NCOA3: variants seen among roughly 807,000 people sequenced by gnomAD.
The protein encoded by NCOA3 is nuclear receptor coactivator 3, also known as CBP-interacting protein.
A neutral mutation model predicts 158.8 loss-of-function variants in NCOA3; 51 were observed. The observed-to-expected ratio is 0.32, with a 90% CI of 0.26 to 0.41. NCOA3 has a LOEUF of 0.41. Among genes scored for constraint, NCOA3 ranks in the 10% least tolerant of loss-of-function variants. NCOA3 has a pLI of 1.00. For synonymous variants in NCOA3, 537 were observed against 592.4 expected, an observed-to-expected ratio of 0.91 and a Z score of 1.36; for missense variants, 1,510 against 1,746.6, an observed-to-expected ratio of 0.86 and a Z score of 2.41.
intron 1 of NCOA3, among the ~76,000 whole-genome samples, chr20:47,531,687 C>G (rs1261745063): frequency 6.6e-6 from 1 of 152,074 alleles, no homozygotes; most frequent in Non-Finnish European, 1.5e-5. Flanking sequence ...TTCTCTTGAC[C>G]TCTTCATGCA....
chr20:47,520,897 C>T (rs895069706), intron 1 of NCOA3, among the ~76,000 whole-genome samples: 9 of 152,206 alleles, frequency 5.9e-5, no homozygotes, highest in African/African-American at 2.2e-4. Flanking sequence ...TATGAGGTAG[C>T]TATGGAACGC....
At chr20:47,505,088 A>G (rs6090690) in intron 1 of NCOA3, among the ~76,000 whole-genome samples, 95,651 of 95,660 alleles carry the variant, frequency 1, 47,821 homozygotes, top group Middle Eastern at 1. Context: ...TTGAGAAGGA[A>G]ATTTGCTCTG....
chr20:47,534,109 G>T (rs1378295685), intron 1 of NCOA3, among the ~76,000 whole-genome samples: 1 of 151,338 alleles, frequency 6.6e-6, no homozygotes, highest in Non-Finnish European at 1.5e-5. Context: ...GGTTTCAGTG[G>T]GGGGGGCGGG....
At chr20:47,594,480 T>A (rs1318259430) in intron 2 of NCOA3, among the ~76,000 whole-genome samples, 2 of 151,446 alleles carry the variant, frequency 1.3e-5, no homozygotes, top group Non-Finnish European at 2.9e-5. Context: ...CTGGCCAACA[T>A]GATGAGATCT....
In NCOA3 at chr20:47,651,092, A is replaced by AACAGCAG. The variant is rs2086783470; in HGVS notation, c.3762_3763insACAGCAG (p.Gln1255ThrfsTer33). 6 of 1,461,310 alleles carry AACAGCAG rather than the reference A, an allele frequency of 4.1e-6. No individual in the cohort carries two copies. In the South Asian group the frequency reaches 7.3e-5, roughly 18 times the overall value. The allele number at this position is 1,461,310 out of a possible 1,614,324, so 90.5% of individuals were successfully genotyped here. On this transcript the variant is annotated frameshift_variant, in exon 20 of 23. Transcript: ENST00000371998. LOFTEE classifies it high-confidence loss of function. ...TGATGCAGCAGCAGCAGCAGCAGCA[A>AACAGCAG]CAGCAGCAGCAGCAGCAGCAGCAGC... is the stretch of plus-strand genomic sequence containing the variant.
chr20:47,570,352 G>T (rs1480467975), intron 1 of NCOA3, among the ~76,000 whole-genome samples: 1 of 152,174 alleles, frequency 6.6e-6, no homozygotes, highest in African/African-American at 2.4e-5. Context: ...GAGGCAGGAG[G>T]ATTGCTTGAG....
intron 1 of NCOA3, among the ~76,000 whole-genome samples, chr20:47,514,801 C>T (rs368169804): frequency 6.7e-6 from 1 of 148,928 alleles, no homozygotes; most frequent in East Asian, 2.0e-4. Context: ...ACTGCAACCT[C>T]CGCCTCCAGA....
intron 1 of NCOA3, among the ~76,000 whole-genome samples, chr20:47,527,842 T>C (rs944991751): frequency 6.6e-6 from 1 of 152,222 alleles, no homozygotes; most frequent in Non-Finnish European, 1.5e-5. Flanking sequence ...ATTGTGATTT[T>C]AATTTGAAAT....
At chr20:47,566,966 A>C (rs561678876) in intron 1 of NCOA3, among the ~76,000 whole-genome samples, 1 of 152,260 alleles carries the variant, frequency 6.6e-6, no homozygotes, top group African/African-American at 2.4e-5. Flanking sequence ...AAAAAGAAGA[A>C]ATTTAAAAAA....
intron 1 of NCOA3, among the ~76,000 whole-genome samples, chr20:47,507,105 A>G (rs779231686): frequency 6.6e-6 from 1 of 152,250 alleles, no homozygotes; most frequent in South Asian, 2.1e-4. Context: ...TGCAGAAGTC[A>G]GCATAATCCT....
intron 2 of NCOA3, among the ~76,000 whole-genome samples, chr20:47,586,124 G>A (rs1220108891): frequency 6.6e-6 from 1 of 151,982 alleles, no homozygotes; most frequent in African/African-American, 2.4e-5. Context: ...TCACCATGTT[G>A]GCCAGGCTGG....
At chr20:47,601,327 C>A (rs2085858465) in intron 2 of NCOA3, among the ~76,000 whole-genome samples, 1 of 152,338 alleles carries the variant, frequency 6.6e-6, no homozygotes, top group Non-Finnish European at 1.5e-5. Flanking sequence ...AAAGGCACCA[C>A]TTCCGAATAC....
At chr20:47,600,523 C>T (rs1346708312) in intron 2 of NCOA3, among the ~76,000 whole-genome samples, 5 of 143,084 alleles carry the variant, frequency 3.5e-5, no homozygotes, top group East Asian at 2.1e-4. Context: ...TTTTGGCGGG[C>T]GTGTGGGTTG....
At chr20:47,525,666 A>G (rs1189088438) in intron 1 of NCOA3, among the ~76,000 whole-genome samples, 1 of 86,360 alleles carries the variant, frequency 1.2e-5, no homozygotes, top group Non-Finnish European at 2.3e-5. Flanking sequence ...GGGGGGGCTG[A>G]CCCCCCCCAC....
At position 47,642,342 on chromosome 20, in the gene NCOA3, A is replaced by G; in HGVS notation, c.3210A>G (p.Glu1070=). ...LLSNTDATGL[E]EIDRALGIPE... ...GCAACACAGATGCCACAGGCCTGGA[A>G]GAAATTGACAGAGCTTTGGGCATTC... The change falls in exon 17 of 23, where the codon GAA becomes GAG. Residue 1070 remains glutamate (E), a synonymous_variant. Coordinates refer to ENST00000371998, the MANE Select transcript of NCOA3 (RefSeq NM_181659.3). 1 of 1,610,388 alleles carries G rather than the reference A, an allele frequency of 6.2e-7. No homozygotes were observed. Among genetic ancestry groups the G allele is most frequent in the African/African-American group, 1.3e-5 (1 of 74,806 alleles).
At chr20:47,618,593 A>G (rs373351693) in intron 2 of NCOA3, among the ~76,000 whole-genome samples, 19 of 152,268 alleles carry the variant, frequency 1.2e-4, no homozygotes, top group African/African-American at 4.3e-4. Flanking sequence ...ACCTCAGGTG[A>G]TTCGCCCATC....
chr20:47,635,541 T>C lies in NCOA3; in HGVS notation c.1332T>C (p.Pro444=). 1 of 1,614,084 alleles carries C rather than the reference T, an allele frequency of 6.2e-7. No individual in the cohort carries two copies. The highest frequency in any genetic ancestry group is 8.5e-7 in the Non-Finnish European group (1 of 1,180,028). The stretch of plus-strand genomic sequence containing the variant: ...CCAGTAACATAGCTTCATTGACCCC[T>C]GGGCCAGGCATGCAATCACCATCTT... ...GGSSNIASLT[P]GPGMQSPSSY... is the part of the protein sequence containing the mutation. The change falls in exon 11 of 23, where the codon CCT becomes CCC. Residue 444 remains proline, a synonymous_variant. Coordinates refer to ENST00000371998, the MANE Select transcript of NCOA3 (RefSeq NM_181659.3).
At chr20:47,648,926 C>A (rs990951121) in intron 18 of NCOA3, 79 bp from the exon 19 acceptor site, 1 of 776,368 alleles carries the variant, frequency 1.3e-6, no homozygotes, top group African/African-American at 1.7e-5. Flanking sequence ...ACCTCATTGG[C>A]TGGTGCTGAG....
intron 1 of NCOA3, among the ~76,000 whole-genome samples, chr20:47,549,573 A>AC (rs1381007890): frequency 1.3e-5 from 2 of 151,760 alleles, no homozygotes; most frequent in Non-Finnish European, 2.9e-5. Context: ...AAAAAAAAAA[A>AC]AAAAAAAAGT....
Sources: gnomAD v4.1 joint callset for allele counts (sites outside exome capture counted in the v4.1 genomes callset) on GRCh38, gnomAD v4.1.1 for gene constraint, MANE v1.5 for transcripts, NCBI Gene and HGNC (gene_info 2026-07-23, HGNC 2026-07-21) for gene names.